Variants in ADAMTS19 observed in about 807,000 individuals in gnomAD.
ADAMTS19 encodes the protein ADAM metallopeptidase with thrombospondin type 1 motif 19, also known as A disintegrin and metalloproteinase with thrombospondin motifs 19.
A neutral mutation model predicts 153.3 loss-of-function variants in ADAMTS19; 93 were observed. The observed-to-expected ratio is 0.61, with a 90% confidence interval of 0.51 to 0.72. The LOEUF is 0.72. Ranked by LOEUF, ADAMTS19 falls within the 30% of genes least tolerant of loss-of-function variation. ADAMTS19 has a pLI of 0.00. For missense variants in ADAMTS19, 1,482 were observed against 1,552.1 expected (o/e 0.95, Z 0.76); for synonymous variants, 600 against 556.6 (o/e 1.08, Z -1.10).
chr5:129,625,029 G>A (rs887344004), intron 10 of ADAMTS19, among the ~76,000 whole-genome samples: 6 of 116,016 alleles, frequency 5.2e-5, no homozygotes, highest in African/African-American at 1.7e-4. Flanking sequence ...TATTTTCCCC[G>A]CCCTCTGTCC....
intron 15 of ADAMTS19, among the ~76,000 whole-genome samples, chr5:129,660,680 T>A (rs946803717): frequency 6.6e-6 from 1 of 152,170 alleles, no homozygotes; most frequent in Non-Finnish European, 1.5e-5. Context: ...CCACTTTAAT[T>A]TCTACTTTTG....
At chr5:129,563,037 T>C (rs1753579392) in intron 7 of ADAMTS19, among the ~76,000 whole-genome samples, 1 of 152,176 alleles carries the variant, frequency 6.6e-6, no homozygotes, top group African/African-American at 2.4e-5. Context: ...CACTAAAACA[T>C]ATTTAAATAG....
intron 13 of ADAMTS19, among the ~76,000 whole-genome samples, chr5:129,653,693 C>A (rs1278652985): frequency 6.6e-6 from 1 of 152,130 alleles, no homozygotes; most frequent in Non-Finnish European, 1.5e-5. Flanking sequence ...ATTGTAGTAA[C>A]AATCCTAGTA....
chr5:129,590,008 A>AT (rs34800045), intron 7 of ADAMTS19, among the ~76,000 whole-genome samples: 36 of 151,896 alleles, frequency 2.4e-4, no homozygotes, highest in Non-Finnish European at 1.9e-4. Flanking sequence ...GCATTCTCAG[A>AT]TTTTTTTTAA....
At chr5:129,552,119 A>G (rs1158220598) in intron 7 of ADAMTS19, among the ~76,000 whole-genome samples, 1 of 151,906 alleles carries the variant, frequency 6.6e-6, no homozygotes, top group Non-Finnish European at 1.5e-5. Context: ...TCTTTAAGTG[A>G]TGCTTTAAGG....
chr5:129,506,696 C>G (rs1751279425), intron 2 of ADAMTS19, among the ~76,000 whole-genome samples: 1 of 151,702 alleles, frequency 6.6e-6, no homozygotes, highest in Non-Finnish European at 1.5e-5. Context: ...AAGTTAGATC[C>G]TTTGGACTTT....
intron 6 of ADAMTS19, among the ~76,000 whole-genome samples, chr5:129,541,271 G>A (rs1389415200): frequency 6.6e-6 from 1 of 151,286 alleles, no homozygotes; most frequent in East Asian, 1.9e-4. Flanking sequence ...GATAAGCAGT[G>A]CATTTGTCAT....
chr5:129,522,308 TATATATATACACACACACACACAC>T (rs1357025374), intron 3 of ADAMTS19, among the ~76,000 whole-genome samples: 15 of 97,444 alleles, frequency 1.5e-4, no homozygotes, highest in Non-Finnish European at 1.8e-5. Flanking sequence ...TGTATATATA[TATATATATACACACACACACACAC>T]ATATATATAT....
intron 6 of ADAMTS19, among the ~76,000 whole-genome samples, chr5:129,536,630 C>T (rs1425552157): frequency 6.6e-6 from 1 of 152,118 alleles, no homozygotes; most frequent in Non-Finnish European, 1.5e-5. Flanking sequence ...TACTGCGGCA[C>T]TATTCACAAT....
At chr5:129,542,543 G>A (rs1238267283) in intron 6 of ADAMTS19, among the ~76,000 whole-genome samples, 3 of 152,112 alleles carry the variant, frequency 2.0e-5, no homozygotes, top group East Asian at 3.9e-4. Context: ...AAGGTTTCCT[G>A]TTTTGTATCT....
intron 2 of ADAMTS19, among the ~76,000 whole-genome samples, chr5:129,465,657 T>A (rs560126579): frequency 6.6e-6 from 1 of 152,206 alleles, no homozygotes; most frequent in South Asian, 2.1e-4. Context: ...GTATATCAGT[T>A]AGCAGTGTGA....
At chr5:129,476,865 T>C (rs1341475666) in intron 2 of ADAMTS19, among the ~76,000 whole-genome samples, 1 of 152,150 alleles carries the variant, frequency 6.6e-6, no homozygotes, top group Non-Finnish European at 1.5e-5. Context: ...ATGACACTAA[T>C]GACATCCTGG....
chr5:129,612,681 C>T (rs1274277288), intron 8 of ADAMTS19, among the ~76,000 whole-genome samples: 1 of 152,108 alleles, frequency 6.6e-6, no homozygotes, highest in Non-Finnish European at 1.5e-5. Context: ...CAAATTCACA[C>T]ATAACGATAC....
At chr5:129,581,062 C>G (rs1265001420) in intron 7 of ADAMTS19, among the ~76,000 whole-genome samples, 1 of 152,124 alleles carries the variant, frequency 6.6e-6, no homozygotes, top group African/African-American at 2.4e-5. Context: ...TCCATCTGGT[C>G]CTGGGCTTTT....
chr5:129,479,719 C>A (rs1413423430), intron 2 of ADAMTS19, among the ~76,000 whole-genome samples: 1 of 152,006 alleles, frequency 6.6e-6, no homozygotes, highest in Non-Finnish European at 1.5e-5. Flanking sequence ...AAACATGAGA[C>A]ACTTAAACAT....
chr5:129,680,276 A>G (rs1378150925), intron 17 of ADAMTS19, among the ~76,000 whole-genome samples: 1 of 152,180 alleles, frequency 6.6e-6, no homozygotes, highest in African/African-American at 2.4e-5. Context: ...CGTTTTATAT[A>G]TCCATGAATG....
chr5:129,507,485 A>G (rs755261224), intron 2 of ADAMTS19, among the ~76,000 whole-genome samples: 12 of 152,118 alleles, frequency 7.9e-5, no homozygotes, highest in Non-Finnish European at 1.6e-4. Context: ...AGCTAGTTTC[A>G]GACTGAGAGA....
chr5:129,566,006 T>G (rs1032824489), intron 7 of ADAMTS19, among the ~76,000 whole-genome samples: 3 of 152,158 alleles, frequency 2.0e-5, no homozygotes, highest in Admixed American at 1.3e-4. Flanking sequence ...TTAAAGCAGA[T>G]GTCTAGTAGG....
At position 129,622,086 on chromosome 5, in the gene ADAMTS19, A is replaced by G. The variant is rs1751801330; in HGVS notation, c.1620-112A>G. On this transcript the variant is annotated intron_variant, in intron 9 of 22. Transcript: ENST00000274487. ...AATTTCTATGAGTATTCAATGGAAG[A>G]GCTTAGAGATATATTTTTGATATTA... 5 of 980,700 alleles carry G rather than the reference A, an allele frequency of 5.1e-6. No homozygotes were observed. In the East Asian group the frequency reaches 1.3e-4, roughly 26 times the overall value. The allele number at this position is 980,700 out of a possible 1,614,324, so 60.7% of individuals were successfully genotyped here. A position where few individuals can be genotyped will look rare whatever the true frequency, so the allele number is the denominator to read the frequency against.
Sources: gnomAD v4.1 joint callset for allele counts (sites outside exome capture counted in the v4.1 genomes callset) on GRCh38, gnomAD v4.1.1 for gene constraint, MANE v1.5 for transcripts, NCBI Gene and HGNC (gene_info 2026-07-23, HGNC 2026-07-21) for gene names.